The following PPP1R9A variants were observed in gnomAD, a reference collection of about 807,000 sequenced individuals.
The protein encoded by PPP1R9A is neurabin-1.
PPP1R9A carries 59 observed loss-of-function variants against 141.9 expected under a neutral mutation model. The ratio of observed to expected loss-of-function variants is 0.42; its 90% confidence interval spans 0.34 to 0.52. The LOEUF is 0.52. Ranked by LOEUF, PPP1R9A falls within the 20% of genes least tolerant of loss-of-function variation. The pLI is 0.10. For missense variants in PPP1R9A, 1,444 were observed against 1,611.9 expected (o/e 0.90, Z 1.78); for synonymous variants, 500 against 569.7 (o/e 0.88, Z 1.74).
chr7:95,226,621 T>A (rs752641829), intron 8 of PPP1R9A, among the ~76,000 whole-genome samples: 195 of 152,176 alleles, frequency 1.3e-3, no homozygotes, highest in Non-Finnish European at 2.5e-3. Context: ...AGCAGGAGGC[T>A]GTTACCATCA....
chr7:95,118,939 G>A (rs139459081), intron 3 of PPP1R9A, among the ~76,000 whole-genome samples: 7 of 150,508 alleles, frequency 4.7e-5, no homozygotes, highest in South Asian at 4.2e-4. Context: ...CCATGATGGC[G>A]CCACTGCACT....
chr7:95,285,571 G>A (rs766524894), intron 17 of PPP1R9A, among the ~76,000 whole-genome samples: 2 of 152,178 alleles, frequency 1.3e-5, no homozygotes, highest in African/African-American at 2.4e-5. Flanking sequence ...ACCCCCAGGT[G>A]ATTATTTGGA....
intron 7 of PPP1R9A, among the ~76,000 whole-genome samples, chr7:95,214,031 C>G (rs1792740248): frequency 6.6e-6 from 1 of 152,190 alleles, no homozygotes; most frequent in Non-Finnish European, 1.5e-5. Flanking sequence ...CTCCAATACA[C>G]TCTTCAGAAT....
intron 4 of PPP1R9A, among the ~76,000 whole-genome samples, chr7:95,125,582 G>A (rs1381442447): frequency 1.3e-5 from 2 of 152,164 alleles, no homozygotes; most frequent in African/African-American, 4.8e-5. Flanking sequence ...ATGCTGAATT[G>A]TAGAGTAAAT....
chr7:95,001,644 T>A (rs1457111077), intron 2 of PPP1R9A, among the ~76,000 whole-genome samples: 2 of 152,158 alleles, frequency 1.3e-5, no homozygotes, highest in Admixed American at 1.3e-4. Flanking sequence ...GATTTGTGAG[T>A]CCAATCCAAC....
At chr7:95,119,508 A>C (rs1822138676) in intron 3 of PPP1R9A, among the ~76,000 whole-genome samples, 1 of 152,162 alleles carries the variant, frequency 6.6e-6, no homozygotes, top group African/African-American at 2.4e-5. Flanking sequence ...ATGGTGGAGC[A>C]CTGTGGCATG....
At chr7:95,117,082 G>C (rs909100437) in intron 3 of PPP1R9A, among the ~76,000 whole-genome samples, 1 of 152,164 alleles carries the variant, frequency 6.6e-6, no homozygotes, top group Non-Finnish European at 1.5e-5. Flanking sequence ...ATCTAGGCTT[G>C]TGGCAGGAGA....
intron 2 of PPP1R9A, among the ~76,000 whole-genome samples, chr7:95,004,949 A>T (rs1803397881): frequency 6.6e-6 from 1 of 152,172 alleles, no homozygotes. Flanking sequence ...GGATTTTAAT[A>T]TATTTTTCTC....
At position 94,977,371 on chromosome 7, in the gene PPP1R9A, G is replaced by A; in HGVS notation, c.1395+65863G>A. On this transcript the variant is annotated intron_variant, in intron 2 of 19. Transcript: ENST00000433360. The stretch of plus-strand genomic sequence containing the variant: ...AGAGCAACTGTGACCATCAAGAATA[G>A]CTGAGGTAGATGGTTCCCCAAAAGC... 1.3e-5 allele frequency among the ~76,000 whole-genome samples: 2 copies of A among 152,312 alleles called. 1 individual carries two copies.
intron 4 of PPP1R9A, chr7:95,154,655 TA>T (rs1398794476): frequency 1.3e-5 from 2 of 152,236 alleles, no homozygotes; most frequent in East Asian, 3.9e-4. Flanking sequence ...AAATTTTATT[TA>T]TTAATACTCT....
chr7:94,951,705 T>A (rs1796494743), intron 2 of PPP1R9A, among the ~76,000 whole-genome samples: 1 of 152,088 alleles, frequency 6.6e-6, no homozygotes, highest in South Asian at 2.1e-4. Context: ...TGGGTTTTGG[T>A]ATAAGGGTTA....
intron 2 of PPP1R9A, among the ~76,000 whole-genome samples, chr7:94,936,888 C>T (rs922669627): frequency 6.6e-6 from 1 of 151,968 alleles, no homozygotes; most frequent in Non-Finnish European, 1.5e-5. Flanking sequence ...CTCTTTAGCT[C>T]TTGTATATAC....
At chr7:95,029,172 T>C (rs955629534) in intron 2 of PPP1R9A, among the ~76,000 whole-genome samples, 12 of 152,316 alleles carry the variant, frequency 7.9e-5, no homozygotes, top group African/African-American at 2.9e-4. Context: ...ACCAAATACT[T>C]TCCTTGTTCA....
chr7:95,160,163 A>G (rs1388800258), intron 4 of PPP1R9A, among the ~76,000 whole-genome samples: 1 of 152,100 alleles, frequency 6.6e-6, no homozygotes, highest in Non-Finnish European at 1.5e-5. Flanking sequence ...CATAAACATA[A>G]GTATGAACAC....
Position 95,249,968 on chromosome 7 carries a change from G to T in PPP1R9A, c.2167-58G>T, listed in dbSNP as rs1019412733. 5 of 1,484,428 alleles carry T rather than the reference G, an allele frequency of 3.4e-6. No homozygotes were observed. The African/African-American group carries it at 5.7e-5, about 17-fold the overall frequency. The allele number at this position is 1,484,428 out of a possible 1,614,324, so 92.0% of individuals were successfully genotyped here. On this transcript the variant is annotated intron_variant, in intron 9 of 19. Transcript: ENST00000433360. ...GATCTACAACATGCTATAAAAATGA[G>T]AGATTTTTGCCACAAAAGTGGCCAA...
At chr7:94,917,363 A>G (rs1265000584) in intron 2 of PPP1R9A, among the ~76,000 whole-genome samples, 2 of 152,082 alleles carry the variant, frequency 1.3e-5, no homozygotes, top group African/African-American at 4.8e-5. Flanking sequence ...GTTTACTGGT[A>G]TTTATTTGTA....
At chr7:95,158,098 ATG>A (rs1482988491) in intron 4 of PPP1R9A, among the ~76,000 whole-genome samples, 1 of 152,222 alleles carries the variant, frequency 6.6e-6, no homozygotes, top group Non-Finnish European at 1.5e-5. Flanking sequence ...AGCTAAGACA[ATG>A]TAGCATTGAT....
At chr7:95,059,199 G>A (rs1369478121) in intron 2 of PPP1R9A, among the ~76,000 whole-genome samples, 2 of 151,634 alleles carry the variant, frequency 1.3e-5, no homozygotes, top group African/African-American at 4.9e-5. Flanking sequence ...CTTTACTTTT[G>A]TAGGTATTAT....
At chr7:95,181,704 TATATATATTCC>T (rs1833863816) in intron 5 of PPP1R9A, among the ~76,000 whole-genome samples, 1 of 131,108 alleles carries the variant, frequency 7.6e-6, no homozygotes, top group African/African-American at 2.9e-5. Flanking sequence ...ATATAGAATA[TATATATATTCC>T]GTCACATATA....
Sources: gnomAD v4.1 joint callset for allele counts (sites outside exome capture counted in the v4.1 genomes callset) on GRCh38, gnomAD v4.1.1 for gene constraint, MANE v1.5 for transcripts, NCBI Gene and HGNC (gene_info 2026-07-23, HGNC 2026-07-21) for gene names.